RPSA2: variants seen among roughly 807,000 people sequenced by gnomAD.
RPSA2 encodes ribosomal protein SA 2, also known as small ribosomal subunit protein uS2B.
At chr19:23,854,979 CAG>C in the RPSA2 span, among the ~76,000 whole-genome samples, 1 of 152,184 alleles carries the variant, frequency 6.6e-6, no homozygotes, top group Admixed American at 6.5e-5. Flanking sequence ...GCGTGCTCAT[CAG>C]AGACAGATTT....
chr19:23,802,329 G>T, the RPSA2 span, among the ~76,000 whole-genome samples: 2 of 152,184 alleles, frequency 1.3e-5, no homozygotes, highest in African/African-American at 4.8e-5. Flanking sequence ...GAGTGTTATT[G>T]TCCAAAAGCT....
At chr19:23,783,684 T>C in the RPSA2 span, among the ~76,000 whole-genome samples, 1 of 152,200 alleles carries the variant, frequency 6.6e-6, no homozygotes, top group Non-Finnish European at 1.5e-5. Flanking sequence ...AGTTTCTGCC[T>C]GAGCCCTTCC....
At chr19:23,821,772 C>T in the RPSA2 span, among the ~76,000 whole-genome samples, 864 of 152,264 alleles carry the variant, frequency 5.7e-3, 6 homozygotes, top group Non-Finnish European at 8.6e-3. Context: ...TCTCTTGGCT[C>T]GCTGTTCAAC....
chr19:23,762,211 C>T, the RPSA2 span, among the ~76,000 whole-genome samples: 4 of 151,284 alleles, frequency 2.6e-5, no homozygotes, highest in Admixed American at 6.6e-5. Flanking sequence ...CCACCGTGCC[C>T]GGCCCGGTAA....
At chr19:23,861,319 G>A in the RPSA2 span, among the ~76,000 whole-genome samples, 1 of 152,124 alleles carries the variant, frequency 6.6e-6, no homozygotes, top group African/African-American at 2.4e-5. Context: ...TTTCATATGA[G>A]TCCTTGAACA....
At chr19:23,837,445 G>T in the RPSA2 span, among the ~76,000 whole-genome samples, 1 of 151,480 alleles carries the variant, frequency 6.6e-6, no homozygotes, top group Non-Finnish European at 1.5e-5. Context: ...GTCTTACTTT[G>T]GCTATATGGG....
chr19:23,868,946 A>G, the RPSA2 span, among the ~76,000 whole-genome samples: 1 of 152,238 alleles, frequency 6.6e-6, no homozygotes, highest in East Asian at 1.9e-4. Context: ...CCTGGGGGAC[A>G]CTCAAGAAAA....
chr19:23,778,554 G>A, the RPSA2 span, among the ~76,000 whole-genome samples: 74 of 152,062 alleles, frequency 4.9e-4, no homozygotes, highest in Non-Finnish European at 9.9e-4. Context: ...AGTAGAGATC[G>A]TGACCTATCT....
At chr19:23,848,548 A>G in the RPSA2 span, among the ~76,000 whole-genome samples, 1 of 152,204 alleles carries the variant, frequency 6.6e-6, no homozygotes, top group Non-Finnish European at 1.5e-5. Flanking sequence ...GACTTCAAAA[A>G]TTTGTTTCTT....
chr19:23,853,352 G>C, the RPSA2 span, among the ~76,000 whole-genome samples: 1 of 127,588 alleles, frequency 7.8e-6, no homozygotes, highest in East Asian at 2.4e-4. Flanking sequence ...TCCGCCACTT[G>C]CCTGATTTCT....
chr19:23,839,598 C>T, the RPSA2 span, among the ~76,000 whole-genome samples: 6 of 152,232 alleles, frequency 3.9e-5, no homozygotes, highest in Admixed American at 6.5e-5. Context: ...GCCAGAGTCA[C>T]GCCTTCCCTG....
At chr19:23,788,153 C>T in the RPSA2 span, among the ~76,000 whole-genome samples, 1 of 152,184 alleles carries the variant, frequency 6.6e-6, no homozygotes, top group African/African-American at 2.4e-5. Context: ...TGTGACATAT[C>T]TCTGGGCCCA....
the RPSA2 span, among the ~76,000 whole-genome samples, chr19:23,775,120 AG>A: frequency 6.6e-6 from 1 of 152,214 alleles, no homozygotes; most frequent in Non-Finnish European, 1.5e-5. Flanking sequence ...TATTGTATGA[AG>A]CCCCGGGTGG....
At chr19:23,852,416 T>C in the RPSA2 span, among the ~76,000 whole-genome samples, 27 of 152,280 alleles carry the variant, frequency 1.8e-4, no homozygotes, top group Non-Finnish European at 2.8e-4. Context: ...CCTTCAGAGC[T>C]GACAGCCCTG....
At chr19:23,821,131 A>G in the RPSA2 span, among the ~76,000 whole-genome samples, 1 of 152,224 alleles carries the variant, frequency 6.6e-6, no homozygotes, top group African/African-American at 2.4e-5. Context: ...ATTGGATTTG[A>G]TAACCAATGG....
At chr19:23,841,066 G>GT in the RPSA2 span, among the ~76,000 whole-genome samples, 17,608 of 151,522 alleles carry the variant, frequency 0.12, 1,083 homozygotes, top group East Asian at 0.22. Context: ...TATGATTTAT[G>GT]TTTTTTTGGC....
the RPSA2 span, among the ~76,000 whole-genome samples, chr19:23,867,159 AT>A: frequency 2.0e-5 from 3 of 152,158 alleles, no homozygotes; most frequent in East Asian, 1.9e-4. Context: ...TTAAAAAAAA[AT>A]GTATGGGCTT....
At chr19:23,818,330 T>G in the RPSA2 span, 1 of 152,256 alleles carries the variant, frequency 6.6e-6, no homozygotes, top group African/African-American at 2.4e-5. Flanking sequence ...CTGCAAGGGA[T>G]GAGAACTAAC....
At chr19:23,865,833 C>A in the RPSA2 span, among the ~76,000 whole-genome samples, 2 of 152,120 alleles carry the variant, frequency 1.3e-5, no homozygotes, top group Non-Finnish European at 2.9e-5. Context: ...GTTTAAATTA[C>A]TAAAAGAATT....
Sources: gnomAD v4.1 joint callset for allele counts (sites outside exome capture counted in the v4.1 genomes callset) on GRCh38, gnomAD v4.1.1 for gene constraint, MANE v1.5 for transcripts, NCBI Gene and HGNC (gene_info 2026-07-23, HGNC 2026-07-21) for gene names.